SSUH2: variants seen among roughly 807,000 people sequenced by gnomAD.
The protein encoded by SSUH2 is protein SSUH2 homolog.
In SSUH2, 47 loss-of-function variants were observed where a neutral mutation model predicts 55.3. The ratio of observed to expected loss-of-function variants is 0.85; its 90% CI spans 0.67 to 1.08. The LOEUF is 1.08. SSUH2 is among the 50% of genes least tolerant of loss of function. The probability of loss-of-function intolerance (pLI) is 0.00; values close to 1 mark genes in which losing one functional copy is unlikely to be tolerated. For missense variants in SSUH2, 535 were observed against 490.7 expected (o/e 1.09, Z -0.85); for synonymous variants, 212 against 191.5 (o/e 1.11, Z -0.89).
In SSUH2 at chr3:8,670,502, C is replaced by A. The variant is rs146967527; in HGVS notation, c.-455+496G>T. On this transcript the variant is annotated intron_variant, in intron 5 of 18. Coordinates refer to the SSUH2 transcript ENST00000317371. ...CCATGTGACATTAGGGAGAGCATGC[C>A]CCTAGGATATTAGGAATAGTATCAC... Among the ~76,000 whole-genome samples the A allele has an allele frequency of 4.3e-3, 654 of 151,930 alleles. 9 individuals are homozygous for A. The highest frequency in any genetic ancestry group is 0.016 in the Admixed American group (246 of 15,278).
chr3:8,647,154 T>C (rs1365033056), upstream of SSUH2, among the ~76,000 whole-genome samples: 1 of 152,140 alleles, frequency 6.6e-6, no homozygotes, highest in Non-Finnish European at 1.5e-5. Context: ...CAGACTGCAA[T>C]TGAACATGAT....
At chr3:8,632,009 ATTTGCC>A (rs1559346942) in intron 5 of SSUH2, 34 bp downstream of exon 5, 5 of 1,540,934 alleles carry the variant, frequency 3.2e-6, no homozygotes, top group Non-Finnish European at 4.5e-6. Flanking sequence ...ACCCTGACTT[ATTTGCC>A]CCCAGTTAAA....
At chr3:8,634,600 G>A (rs1699582066) in intron 3 of SSUH2, 1 of 1,289,202 alleles carries the variant, frequency 7.8e-7, no homozygotes, top group African/African-American at 1.5e-5. Context: ...AGACACTGTG[G>A]GCTGGAGAGG....
At chr3:8,633,247 A>C (rs887696380) in intron 4 of SSUH2, among the ~76,000 whole-genome samples, 2 of 150,886 alleles carry the variant, frequency 1.3e-5, no homozygotes, top group African/African-American at 2.4e-5. Context: ...AGTTTCAAGC[A>C]ATTGTCCTGC....
At chr3:8,648,117 G>A (rs961596084), upstream of SSUH2, among the ~76,000 whole-genome samples, 6 of 152,280 alleles carry the variant, frequency 3.9e-5, no homozygotes, top group East Asian at 9.7e-4. Flanking sequence ...AGGGAGATGC[G>A]TTCACAGATG....
chr3:8,668,862 C>T (rs1704243466), intron 5 of SSUH2, among the ~76,000 whole-genome samples: 1 of 151,940 alleles, frequency 6.6e-6, no homozygotes. Flanking sequence ...ATTTTCACAA[C>T]CTAGGTAGAT....
chr3:8,645,343 T>C (rs1701541142), upstream of SSUH2, among the ~76,000 whole-genome samples: 2 of 152,140 alleles, frequency 1.3e-5, no homozygotes, highest in African/African-American at 4.8e-5. Flanking sequence ...ACACGGCACC[T>C]CATGGGCAGA....
upstream of SSUH2, among the ~76,000 whole-genome samples, chr3:8,647,610 G>A (rs765129375): frequency 6.6e-6 from 1 of 152,200 alleles, no homozygotes; most frequent in Non-Finnish European, 1.5e-5. Flanking sequence ...TTGTCTCAGA[G>A]AAGCCGGCTA....
chr3:8,659,700 T>C (rs775931544), intron 6 of SSUH2: 1 of 448,756 alleles, frequency 2.2e-6, no homozygotes, highest in South Asian at 1.6e-5. Context: ...TTCATCCATC[T>C]ACCATGCATC....
intron 3 of SSUH2, among the ~76,000 whole-genome samples, chr3:8,674,890 T>A (rs971332915): frequency 6.6e-6 from 1 of 151,996 alleles, no homozygotes; most frequent in African/African-American, 2.4e-5. Flanking sequence ...GACAACCCTC[T>A]GGGATTGGCC....
intron 3 of SSUH2, among the ~76,000 whole-genome samples, chr3:8,674,188 C>T (rs1348792554): frequency 6.6e-6 from 1 of 152,204 alleles, no homozygotes; most frequent in Non-Finnish European, 1.5e-5. Context: ...TTAGCTGCAG[C>T]AATCAGAGGG....
Position 8,619,488 on chromosome 3 carries a change from G to A in SSUH2, c.*380C>T, listed in dbSNP as rs1015880783. 5 of 192,680 alleles carry A rather than the reference G, an allele frequency of 2.6e-5. No homozygotes were observed. The highest frequency in any genetic ancestry group is 1.7e-4 in the Admixed American group (3 of 17,638). The allele number at this position is 192,680 out of a possible 1,614,324, so 11.9% of individuals were successfully genotyped here. A position where few individuals can be genotyped will look rare whatever the true frequency, so the allele number is the denominator to read the frequency against. ...TGAACATTTCAGTAATACTCAGATCGTCAAGAGGCTCCCACTAGAAGAAGC... is the reference window on the plus strand; with the variant it reads ...TGAACATTTCAGTAATACTCAGATCATCAAGAGGCTCCCACTAGAAGAAGC... On this transcript the variant is annotated 3_prime_UTR_variant, in exon 12 of 12. Coordinates refer to ENST00000544814, the MANE Select transcript of SSUH2 (RefSeq NM_001256748.3).
intron 5 of SSUH2, among the ~76,000 whole-genome samples, chr3:8,668,476 G>A (rs1704200786): frequency 1.3e-5 from 2 of 152,204 alleles, no homozygotes; most frequent in Admixed American, 1.3e-4. Context: ...AGCATCAGCA[G>A]ACATCCATTA....
chr3:8,634,389 C>A, intron 3 of SSUH2: 1 of 1,246,178 alleles, frequency 8.0e-7, no homozygotes, highest in Non-Finnish European at 1.0e-6. Context: ...GGCCATGCCA[C>A]CCCCTTACTG....
upstream of SSUH2, among the ~76,000 whole-genome samples, chr3:8,648,828 T>C (rs182869241): frequency 2.7e-3 from 417 of 152,276 alleles, 1 homozygote; most frequent in African/African-American, 7.4e-3. Context: ...CCAATCCTGA[T>C]GCTCCAGGAA....
chr3:8,676,172 C>T (rs910408589), intron 3 of SSUH2, among the ~76,000 whole-genome samples: 2 of 152,060 alleles, frequency 1.3e-5, no homozygotes, highest in African/African-American at 2.4e-5. Flanking sequence ...ATCATCTCCC[C>T]CTCTGGAGAT....
intron 5 of SSUH2, 123 bp downstream of exon 5, chr3:8,631,926 G>T: frequency 1.3e-6 from 1 of 747,776 alleles, no homozygotes; most frequent in Non-Finnish European, 2.3e-6. Flanking sequence ...GGGTAAGGAA[G>T]CCAAGGCTCC....
chr3:8,679,225 C>G (rs530609100), intron 2 of SSUH2, among the ~76,000 whole-genome samples: 10 of 656 alleles, frequency 0.015, 1 homozygote, highest in African/African-American at 0.04. Flanking sequence ...TGGCACCCTC[C>G]GTGAGCGGGG....
Position 8,635,722 on chromosome 3 carries a change from G to C in SSUH2, c.127+37C>G, listed in dbSNP as rs868212608. The stretch of plus-strand genomic sequence containing the variant: ...TCCCACCAACCAGCGTGAGCCCTAG[G>C]TAGAAGCCCAAAGAACCAAGCCCTC... On this transcript the variant is annotated intron_variant, in intron 2 of 11. Transcript: ENST00000544814. 2.6e-6 allele frequency: 4 copies of C among 1,512,600 alleles called. No homozygotes were observed. In the African/African-American group the frequency reaches 5.5e-5, roughly 21 times the overall value. 93.7% of individuals were successfully genotyped at this position (1,512,600 alleles called of 1,614,324 possible).
Sources: allele counts gnomAD v4.1 joint callset (sites outside exome capture counted in the v4.1 genomes callset), GRCh38; gene constraint gnomAD v4.1.1; transcripts MANE v1.5; gene names NCBI Gene and HGNC (gene_info 2026-07-23, HGNC 2026-07-21).